RAD51B: variants seen among roughly 807,000 people sequenced by gnomAD.
RAD51B encodes the protein DNA repair protein RAD51 homolog 2.
Under a neutral mutation model 42.2 loss-of-function variants are expected in RAD51B, and 38 were observed. That is an observed-to-expected ratio of 0.90 (90% CI 0.70 to 1.18). RAD51B has a LOEUF of 1.18. Among genes scored for constraint, RAD51B ranks in the 50% most tolerant of loss-of-function variants. The pLI is 0.00. For missense variants in RAD51B, 373 were observed against 400.7 expected (o/e 0.93, Z 0.59); for synonymous variants, 154 against 145.2 (o/e 1.06, Z -0.43).
chr14:68,031,627 A>T (rs1277811531), intron 7 of RAD51B, among the ~76,000 whole-genome samples: 1 of 152,136 alleles, frequency 6.6e-6, no homozygotes, highest in Non-Finnish European at 1.5e-5. Flanking sequence ...TTAGGAGTTT[A>T]AGACCAGCCT....
intron 7 of RAD51B, among the ~76,000 whole-genome samples, chr14:67,944,091 CAGGGGGAGTGG>C (rs2045301390): frequency 6.6e-6 from 1 of 151,618 alleles, no homozygotes; most frequent in African/African-American, 2.4e-5. Context: ...ACAGTACAGC[CAGGGGGAGTGG>C]GGGCATGGAG....
intron 7 of RAD51B, among the ~76,000 whole-genome samples, chr14:67,984,798 G>A (rs2075154684): frequency 2.0e-5 from 3 of 152,162 alleles, no homozygotes; most frequent in African/African-American, 7.2e-5. Context: ...CACTCTGATG[G>A]ACGAGGAAAA....
chr14:68,594,036 G>C (rs1174497896), intron 10 of RAD51B, among the ~76,000 whole-genome samples: 2 of 152,274 alleles, frequency 1.3e-5, no homozygotes, highest in South Asian at 4.1e-4. Context: ...GGCTGGGCAG[G>C]GGTGTCTGAT....
At position 68,563,700 on chromosome 14, in the gene RAD51B, C is replaced by T. The variant is rs553265141; in HGVS notation, c.1037-30785C>T. On this transcript the variant is annotated intron_variant, in intron 10 of 10. Coordinates refer to the RAD51B transcript ENST00000487270. ...CCAAAATTCCCAGATTGCTCAAATT[C>T]ACTGCTCCTTTTCTAAATGGGAACG... The T allele has an allele frequency of 3.0e-6, 3 of 985,418 alleles. No homozygotes were observed. In the East Asian group the frequency reaches 3.4e-4, roughly 112 times the overall value. The allele number at this position is 985,418 out of a possible 1,614,324, so 61.0% of individuals were successfully genotyped here. A position where few individuals can be genotyped will look rare whatever the true frequency, so the allele number is the denominator to read the frequency against.
intron 11 of RAD51B, among the ~76,000 whole-genome samples, chr14:68,680,871 T>C (rs1177475523): frequency 2.0e-5 from 3 of 151,904 alleles, no homozygotes; most frequent in African/African-American, 7.3e-5. Context: ...AGTTTAAACT[T>C]GGCAAGCAGA....
chr14:68,457,498 G>T (rs916993785), intron 9 of RAD51B, among the ~76,000 whole-genome samples: 1 of 152,126 alleles, frequency 6.6e-6, no homozygotes, highest in African/African-American at 2.4e-5. Flanking sequence ...AATGTAGAAA[G>T]AATTGGTGGC....
At chr14:67,905,656 T>C (rs2043759294) in intron 7 of RAD51B, among the ~76,000 whole-genome samples, 1 of 152,066 alleles carries the variant, frequency 6.6e-6, no homozygotes, top group South Asian at 2.1e-4. Flanking sequence ...TCCTAGGTAC[T>C]TTTTTTGTGT....
intron 7 of RAD51B, among the ~76,000 whole-genome samples, chr14:68,003,649 G>T (rs1297633944): frequency 6.6e-6 from 1 of 152,192 alleles, no homozygotes; most frequent in Non-Finnish European, 1.5e-5. Flanking sequence ...GATATTGGCT[G>T]TGGGTTTGTC....
chr14:68,488,092 A>C (rs1392450846), intron 10 of RAD51B, among the ~76,000 whole-genome samples: 1 of 152,118 alleles, frequency 6.6e-6, no homozygotes, highest in Non-Finnish European at 1.5e-5. Context: ...GGATGGATAC[A>C]TGAATGGATG....
At chr14:68,488,785 G>A (rs1883842304) in intron 10 of RAD51B, among the ~76,000 whole-genome samples, 1 of 152,122 alleles carries the variant, frequency 6.6e-6, no homozygotes. Flanking sequence ...CTTGAATAAT[G>A]TCTTACTTAA....
intron 8 of RAD51B, among the ~76,000 whole-genome samples, chr14:68,394,845 G>A (rs755592232): frequency 1.3e-5 from 2 of 152,184 alleles, no homozygotes; most frequent in African/African-American, 2.4e-5. Context: ...GAAGCCGCAC[G>A]TCTCCGATGC....
intron 7 of RAD51B, among the ~76,000 whole-genome samples, chr14:68,013,120 ATCAT>A (rs2075713106): frequency 6.6e-6 from 1 of 152,100 alleles, no homozygotes; most frequent in Non-Finnish European, 1.5e-5. Context: ...AGGCACTATA[ATCAT>A]TCATTCATTT....
intron 7 of RAD51B, among the ~76,000 whole-genome samples, chr14:68,215,923 T>C (rs903011762): frequency 1.3e-5 from 2 of 152,208 alleles, no homozygotes; most frequent in African/African-American, 4.8e-5. Context: ...GTGCCCAGTG[T>C]TGTTTCATAT....
At position 68,082,700 on chromosome 14, in the gene RAD51B, G is replaced by A. The variant is rs1329041892; in HGVS notation, c.756+195496G>A. ...GTTTTGTGGTATCTATTGTATAGCT[G>A]TATTATAATTTTTTTTTAACTAGGT... is the stretch of plus-strand genomic sequence containing the variant. On this transcript the variant is annotated intron_variant, in intron 7 of 10. Transcript: ENST00000471583. Among the ~76,000 whole-genome samples, 3 of 151,864 alleles carry A rather than the reference G, an allele frequency of 2.0e-5. No homozygotes were observed. In the East Asian group the frequency reaches 5.8e-4, roughly 29 times the overall value.
At chr14:68,350,180 A>G (rs1222045561) in intron 8 of RAD51B, among the ~76,000 whole-genome samples, 2 of 152,192 alleles carry the variant, frequency 1.3e-5, no homozygotes, top group African/African-American at 4.8e-5. Flanking sequence ...TCCGTTTGTT[A>G]TGTCTGAGCT....
At chr14:68,394,144 A>T (rs1278019772) in intron 8 of RAD51B, among the ~76,000 whole-genome samples, 2 of 152,134 alleles carry the variant, frequency 1.3e-5, no homozygotes, top group Non-Finnish European at 2.9e-5. Flanking sequence ...AATTTCTCTG[A>T]TCAAAGTTAA....
At chr14:68,464,305 C>G (rs144634429) in intron 9 of RAD51B, among the ~76,000 whole-genome samples, 2,683 of 152,318 alleles carry the variant, frequency 0.018, 44 homozygotes, top group Non-Finnish European at 0.029. Context: ...TCATGATACT[C>G]TATTCAAAAT....
intron 9 of RAD51B, among the ~76,000 whole-genome samples, chr14:68,427,867 A>T (rs1030380507): frequency 1.2e-4 from 19 of 152,232 alleles, no homozygotes; most frequent in African/African-American, 4.6e-4. Context: ...CAAAAAATAC[A>T]TGTGTTGGAA....
At chr14:68,460,950 T>C (rs1166830836) in intron 9 of RAD51B, among the ~76,000 whole-genome samples, 4 of 152,194 alleles carry the variant, frequency 2.6e-5, no homozygotes, top group Non-Finnish European at 4.4e-5. Flanking sequence ...GTGCATTTAT[T>C]CACTCATTCA....
Sources: allele counts gnomAD v4.1 joint callset (sites outside exome capture counted in the v4.1 genomes callset), GRCh38; gene constraint gnomAD v4.1.1; transcripts MANE v1.5; gene names NCBI Gene and HGNC (gene_info 2026-07-23, HGNC 2026-07-21).